The following DACH1 variants were observed in gnomAD, a reference collection of about 807,000 sequenced individuals.
DACH1 encodes the protein dachshund homolog 1.
A neutral mutation model predicts 54.2 loss-of-function variants in DACH1; 12 were observed. That is an observed-to-expected ratio of 0.22 (90% CI 0.14 to 0.36). The LOEUF (loss-of-function observed/expected upper bound fraction) is 0.36. Among genes scored for constraint, DACH1 ranks in the 10% least tolerant of loss-of-function variants. The pLI is 1.00. For synonymous variants in DACH1, 386 were observed against 366.2 expected (o/e 1.05, Z -0.62); for missense variants, 805 against 929.8 (o/e 0.87, Z 1.75).
intron 6 of DACH1, among the ~76,000 whole-genome samples, chr13:71,508,043 T>C (rs907605784): frequency 6.6e-6 from 1 of 152,158 alleles, no homozygotes; most frequent in African/African-American, 2.4e-5. Flanking sequence ...ATCCTAGTCA[T>C]TGCACTCATG....
Position 71,803,649 on chromosome 13 carries a change from A to G in DACH1, c.848+62273T>C, listed in dbSNP as rs542554184. Among the ~76,000 whole-genome samples, 9 of 152,304 alleles carry G rather than the reference A, an allele frequency of 5.9e-5. 1 individual carries two copies. The Middle Eastern group carries it at 0.027, about 460-fold the overall frequency. On this transcript the variant is annotated intron_variant, in intron 1 of 10. Transcript: ENST00000613252. ...TCGAAAGCAAATTATGAAGAAAAAA[A>G]TCATGACCCTATTAGACATTTATTT...
At chr13:71,739,994 A>C (rs907284691) in intron 1 of DACH1, among the ~76,000 whole-genome samples, 1 of 152,216 alleles carries the variant, frequency 6.6e-6, no homozygotes, top group African/African-American at 2.4e-5. Flanking sequence ...TAAACACAGG[A>C]CTAAAATTGG....
At chr13:71,764,806 G>T (rs141935658) in intron 1 of DACH1, among the ~76,000 whole-genome samples, 5 of 152,334 alleles carry the variant, frequency 3.3e-5, no homozygotes, top group Admixed American at 2.6e-4. Context: ...CTCTTCTGCA[G>T]ATTAATTTCT....
chr13:71,657,283 T>C (rs1879174691), intron 2 of DACH1, among the ~76,000 whole-genome samples: 1 of 151,868 alleles, frequency 6.6e-6, no homozygotes. Context: ...TAGTGGCTCA[T>C]TTCTGTAATT....
At chr13:71,466,517 C>T (rs1479343339) in intron 10 of DACH1, among the ~76,000 whole-genome samples, 1 of 152,086 alleles carries the variant, frequency 6.6e-6, no homozygotes, top group Non-Finnish European at 1.5e-5. Context: ...TCTCATAGTG[C>T]CAACCCCCTA....
intron 1 of DACH1, among the ~76,000 whole-genome samples, chr13:71,815,990 C>T (rs1887904453): frequency 6.6e-6 from 1 of 151,812 alleles, no homozygotes; most frequent in South Asian, 2.1e-4. Context: ...GAGGCTGAGG[C>T]AGGAGAATGG....
chr13:71,796,614 C>G (rs1887062619), intron 1 of DACH1, among the ~76,000 whole-genome samples: 1 of 151,792 alleles, frequency 6.6e-6, no homozygotes, highest in African/African-American at 2.4e-5. Context: ...GGCCGGTAAG[C>G]AAACAAAAAA....
At chr13:71,447,789 C>G (rs944522169) in intron 10 of DACH1, among the ~76,000 whole-genome samples, 3 of 149,926 alleles carry the variant, frequency 2.0e-5, no homozygotes, top group Non-Finnish European at 3.0e-5. Context: ...GCCAAGATTG[C>G]GCCACCACAC....
intron 3 of DACH1, among the ~76,000 whole-genome samples, chr13:71,577,774 C>A (rs1885622053): frequency 6.6e-6 from 1 of 151,992 alleles, no homozygotes; most frequent in African/African-American, 2.4e-5. Flanking sequence ...AAGGGAAGCA[C>A]AATTTTTAGG....
intron 10 of DACH1, among the ~76,000 whole-genome samples, chr13:71,456,972 G>C (rs892998547): frequency 6.6e-6 from 1 of 151,990 alleles, no homozygotes; most frequent in East Asian, 1.9e-4. Flanking sequence ...TGTTCCTAAA[G>C]CTTAAAATAT....
At chr13:71,528,551 C>T (rs1201192316) in intron 6 of DACH1, among the ~76,000 whole-genome samples, 1 of 151,480 alleles carries the variant, frequency 6.6e-6, no homozygotes, top group Non-Finnish European at 1.5e-5. Flanking sequence ...CCTCAGCCTC[C>T]CGAGTAGCTG....
chr13:71,760,248 G>T (rs1307314543), intron 1 of DACH1, among the ~76,000 whole-genome samples: 1 of 152,132 alleles, frequency 6.6e-6, no homozygotes, highest in Non-Finnish European at 1.5e-5. Flanking sequence ...GAGAGGAGGG[G>T]GTTCTTTGAT....
chr13:71,476,002 TTATCTAA>T (rs1196693218), intron 8 of DACH1, among the ~76,000 whole-genome samples, 153 bp from the exon 9 acceptor site: 1 of 152,116 alleles, frequency 6.6e-6, no homozygotes, highest in Non-Finnish European at 1.5e-5. Context: ...ATCTCCACCT[TTATCTAA>T]AATAATTCCC....
intron 2 of DACH1, among the ~76,000 whole-genome samples, chr13:71,636,549 A>T (rs763556405): frequency 1.0e-3 from 148 of 146,922 alleles, no homozygotes; most frequent in Non-Finnish European, 1.7e-3. Flanking sequence ...CACAAAGTAA[A>T]AATAATAATA....
intron 1 of DACH1, among the ~76,000 whole-genome samples, chr13:71,848,342 C>T (rs544224072): frequency 2.4e-4 from 37 of 152,134 alleles, no homozygotes; most frequent in Middle Eastern, 3.4e-3. Flanking sequence ...TTTTAATAAA[C>T]GTTATATGTA....
chr13:71,800,104 T>A (rs1293861255), intron 1 of DACH1, among the ~76,000 whole-genome samples: 2 of 152,086 alleles, frequency 1.3e-5, no homozygotes, highest in Non-Finnish European at 2.9e-5. Context: ...TCAAGTGAGT[T>A]GCTTGAACTC....
chr13:71,619,098 T>TTA (rs983664853), intron 3 of DACH1, among the ~76,000 whole-genome samples: 5 of 150,850 alleles, frequency 3.3e-5, no homozygotes, highest in Non-Finnish European at 3.0e-5. Flanking sequence ...TAATTCTGTT[T>TTA]TATATATATA....
At chr13:71,504,038 A>C (rs1399412920) in intron 6 of DACH1, among the ~76,000 whole-genome samples, 1 of 152,190 alleles carries the variant, frequency 6.6e-6, no homozygotes, top group Non-Finnish European at 1.5e-5. Context: ...GCATAAAAAC[A>C]TAATGTAAAT....
At chr13:71,547,364 G>A (rs536158485) in intron 6 of DACH1, among the ~76,000 whole-genome samples, 1 of 152,080 alleles carries the variant, frequency 6.6e-6, no homozygotes, top group Admixed American at 6.6e-5. Flanking sequence ...AATTGGGATG[G>A]CATATGGAGG....
Sources: allele counts gnomAD v4.1 joint callset (sites outside exome capture counted in the v4.1 genomes callset), GRCh38; gene constraint gnomAD v4.1.1; transcripts MANE v1.5; gene names NCBI Gene and HGNC (gene_info 2026-07-23, HGNC 2026-07-21).